Variants in NWD2 observed in about 807,000 individuals in gnomAD.
The protein encoded by NWD2 is NACHT and WD repeat domain containing 2, also known as NACHT and WD repeat domain-containing protein 2.
Under a neutral mutation model 132.7 loss-of-function variants are expected in NWD2, and 37 were observed. The observed-to-expected ratio is 0.28, with a 90% confidence interval of 0.21 to 0.37. NWD2 has a LOEUF of 0.37. Among genes scored for constraint, NWD2 ranks in the 10% least tolerant of loss-of-function variants. The pLI, the probability that NWD2 is intolerant of heterozygous loss-of-function variation, is 1.00. For missense variants in NWD2, 1,592 were observed against 2,122.4 expected (o/e 0.75, Z 4.91); for synonymous variants, 705 against 803.0 (o/e 0.88, Z 2.06).
At chr4:37,406,269 A>C (rs1387943316) in intron 3 of NWD2, among the ~76,000 whole-genome samples, 1 of 152,198 alleles carries the variant, frequency 6.6e-6, no homozygotes, top group Non-Finnish European at 1.5e-5. Context: ...ACAGACCGAC[A>C]CATCCCAAGC....
rs1712423409 is a variant in NWD2 at position 37,439,486 on chromosome 4, A to G, written c.1296+96A>G. ...TTCATTTCTACTTTCTGAGTTTACTATGTGAATTATAGTTGGTCTTTTAGG... is the reference window on the plus strand; with the variant it reads ...TTCATTTCTACTTTCTGAGTTTACTGTGTGAATTATAGTTGGTCTTTTAGG... On this transcript the variant is annotated intron_variant, in intron 6 of 6. Transcript: ENST00000309447. The surrounding 1 kb of genome is among the most constrained non-coding windows in gnomAD (Gnocchi z 4.5). The G allele has an allele frequency of 4.5e-6, 4 of 889,038 alleles. No individual in the cohort carries two copies. Among genetic ancestry groups the G allele is most frequent in the African/African-American group, 3.4e-5 (2 of 59,064 alleles). The allele number at this position is 889,038 out of a possible 1,614,324, so 55.1% of individuals were successfully genotyped here. A position where few individuals can be genotyped will look rare whatever the true frequency, so the allele number is the denominator to read the frequency against.
chr4:37,445,636 T>C lies in NWD2; in HGVS notation c.3648T>C (p.Asp1216=), dbSNP rs1388178924. The C allele has an allele frequency of 1.8e-5, 28 of 1,552,146 alleles. No homozygotes were observed. The highest frequency in any genetic ancestry group is 2.2e-5 in the Non-Finnish European group (25 of 1,147,134). ...AAGCCCTCAGCATTGAGCTCTTAGA[T>C]ACTGGTCTGTGGAAGGTGGCTGAAA... ...ICKALSIELL[D]TGLWKVAEKF... The change falls in exon 7 of 7, where the codon GAT becomes GAC. Residue 1216 remains aspartate, a synonymous_variant. Transcript: ENST00000309447. This position sits in a 1 kb window ranked among gnomAD's most constrained non-coding sequence, Gnocchi z 4.7.
intron 3 of NWD2, among the ~76,000 whole-genome samples, chr4:37,387,741 C>T (rs1235591162): frequency 1.5e-5 from 2 of 132,744 alleles, no homozygotes; most frequent in East Asian, 4.5e-4. Context: ...ATGGCGCGAT[C>T]TTGGCTCACT....
intron 1 of NWD2, among the ~76,000 whole-genome samples, chr4:37,281,576 A>G (rs945162373): frequency 2.6e-5 from 4 of 152,010 alleles, no homozygotes; most frequent in African/African-American, 9.7e-5. Context: ...TATGTGTTAA[A>G]TCGTTCTTTC....
intron 1 of NWD2, among the ~76,000 whole-genome samples, chr4:37,300,688 G>A (rs1718596479): frequency 6.6e-6 from 1 of 151,900 alleles, no homozygotes; most frequent in Non-Finnish European, 1.5e-5. Context: ...TAGCATGCAT[G>A]GTTGTAACAT....
chr4:37,404,799 C>T lies in NWD2; in HGVS notation c.358-25773C>T, dbSNP rs146206115. ...GGCAGAAGGCAAAGGAGGAGCAAGA[C>T]GTCTTACAAGGTGGAACAGTAGCAA... On this transcript the variant is annotated intron_variant, in intron 3 of 6. Transcript: ENST00000309447. Among the ~76,000 whole-genome samples the T allele has an allele frequency of 1.6e-3, 244 of 152,302 alleles. 3 individuals are homozygous for T. Among genetic ancestry groups the T allele is most frequent in the African/African-American group, 5.1e-3 (211 of 41,558 alleles).
At chr4:37,389,414 T>C (rs892645410) in intron 3 of NWD2, among the ~76,000 whole-genome samples, 1 of 152,234 alleles carries the variant, frequency 6.6e-6, no homozygotes, top group African/African-American at 2.4e-5. Flanking sequence ...TTTCAATATT[T>C]TACAGTTTAT....
At position 37,438,894 on chromosome 4, in the gene NWD2, A is replaced by G. The variant is rs189191557; in HGVS notation, c.800A>G (p.Glu267Gly). The G allele has an allele frequency of 5.7e-4, 887 of 1,551,994 alleles. No homozygotes were observed. The highest frequency in any genetic ancestry group is 7.2e-4 in the Non-Finnish European group (827 of 1,147,044). ...TACATTAGGAAAATTGCTAACATTG[A>G]GCGCTTTGTGAAAATCCCAGAGATG... ...VCYIRKIANI[E>G]RFVKIPEMGK... The change falls in exon 6 of 7, where the codon GAG becomes GGG. Residue 267 changes from glutamate to glycine, a missense_variant. Coordinates refer to ENST00000309447, the MANE Select transcript of NWD2 (RefSeq NM_001144990.2).
At chr4:37,290,620 T>TA (rs1718339556) in intron 1 of NWD2, among the ~76,000 whole-genome samples, 1 of 152,190 alleles carries the variant, frequency 6.6e-6, no homozygotes, top group Non-Finnish European at 1.5e-5. Flanking sequence ...ATACAGTAGT[T>TA]AGACCACAGA....
intron 2 of NWD2, among the ~76,000 whole-genome samples, chr4:37,344,746 G>C (rs1719598682): frequency 6.6e-6 from 1 of 152,132 alleles, no homozygotes; most frequent in South Asian, 2.1e-4. Context: ...TCACCCACTT[G>C]AAGTGTATGA....
intron 3 of NWD2, among the ~76,000 whole-genome samples, chr4:37,414,809 G>C (rs1246207292): frequency 6.6e-6 from 1 of 152,186 alleles, no homozygotes; most frequent in African/African-American, 2.4e-5. Flanking sequence ...AGCCTTTATA[G>C]AGCATTTATG....
intron 1 of NWD2, among the ~76,000 whole-genome samples, chr4:37,302,846 T>G (rs968967872): frequency 6.6e-6 from 1 of 152,204 alleles, no homozygotes; most frequent in Non-Finnish European, 1.5e-5. Flanking sequence ...TTGTGTATTC[T>G]AAATATTAAT....
At position 37,438,861 on chromosome 4, in the gene NWD2, G is replaced by C. The variant is rs1712396966; in HGVS notation, c.767G>C (p.Cys256Ser). The change falls in exon 6 of 7, where the codon TGT becomes TCT. Residue 256 changes from cysteine to serine, a missense_variant. Transcript: ENST00000309447. ...GKQTPAFLKK[C>S]VCYIRKIANI... is the part of the protein sequence containing the mutation. Reference sequence around the variant, plus strand: ...CAAACTCCAGCATTTCTAAAGAAGTGTGTTTGCTACATTAGGAAAATTGCT... The same window carrying C: ...CAAACTCCAGCATTTCTAAAGAAGTCTGTTTGCTACATTAGGAAAATTGCT... The C allele has an allele frequency of 6.4e-7, 1 of 1,551,648 alleles. No individual in the cohort carries two copies. Among genetic ancestry groups the C allele is most frequent in the South Asian group, 1.2e-5 (1 of 84,056 alleles).
intron 3 of NWD2, among the ~76,000 whole-genome samples, chr4:37,381,603 A>G (rs1047105080): frequency 1.3e-5 from 2 of 152,290 alleles, no homozygotes; most frequent in East Asian, 3.9e-4. Flanking sequence ...AAAGCTCCAA[A>G]CAGGACAGAA....
rs140453193 is a variant in NWD2 at position 37,364,227 on chromosome 4, G to A, written c.357+7745G>A. On this transcript the variant is annotated intron_variant, in intron 3 of 6. Coordinates refer to ENST00000309447, the MANE Select transcript of NWD2 (RefSeq NM_001144990.2). ...GCTTAGTTACAGTATTGGAGAATCC[G>A]TCCCCACTCCACCATGTGTGTGGCA... 1.1e-4 allele frequency among the ~76,000 whole-genome samples: 17 copies of A among 152,300 alleles called. No individual in the cohort carries two copies. In the East Asian group the frequency reaches 3.1e-3, roughly 28 times the overall value.
At chr4:37,385,019 T>C (rs546263374) in intron 3 of NWD2, among the ~76,000 whole-genome samples, 15 of 152,316 alleles carry the variant, frequency 9.8e-5, no homozygotes, top group Admixed American at 2.0e-4. Context: ...CAAGACATCA[T>C]ATTGTACCCC....
rs916932065 is a variant in NWD2 at position 37,290,879 on chromosome 4, G to T, written c.152-35057G>T. Among the ~76,000 whole-genome samples, 19 of 152,304 alleles carry T rather than the reference G, an allele frequency of 1.2e-4. 1 individual carries two copies. In the South Asian group the frequency reaches 3.5e-3, roughly 28 times the overall value. Reference sequence around the variant, plus strand: ...AGTTTCTGAGTTTGACTGGAAGTTGGCTGTACAGTTGTTTCAGCAAGAAGC... The same window carrying T: ...AGTTTCTGAGTTTGACTGGAAGTTGTCTGTACAGTTGTTTCAGCAAGAAGC... On this transcript the variant is annotated intron_variant, in intron 1 of 6. Coordinates refer to ENST00000309447, the MANE Select transcript of NWD2 (RefSeq NM_001144990.2).
intron 2 of NWD2, among the ~76,000 whole-genome samples, chr4:37,344,929 A>T (rs894239612): frequency 6.6e-6 from 1 of 152,092 alleles, no homozygotes; most frequent in South Asian, 2.1e-4. Context: ...GTCTCTATGG[A>T]TTTGCCTATT....
intron 2 of NWD2, among the ~76,000 whole-genome samples, chr4:37,341,102 A>G (rs1719509616): frequency 6.6e-6 from 1 of 152,272 alleles, no homozygotes; most frequent in South Asian, 2.1e-4. Flanking sequence ...ATACACATTC[A>G]GTAGAAACTG....
Sources: allele counts gnomAD v4.1 joint callset (sites outside exome capture counted in the v4.1 genomes callset), GRCh38; gene constraint gnomAD v4.1.1; non-coding constraint Gnocchi (gnomAD v3.1); transcripts MANE v1.5; gene names NCBI Gene and HGNC (gene_info 2026-07-23, HGNC 2026-07-21).